The following CDK19 variants were observed in gnomAD, a reference collection of about 807,000 sequenced individuals.
CDK19 encodes the protein cyclin-dependent kinase 19.
In CDK19, 20 loss-of-function variants were observed where a neutral mutation model predicts 68.3. The ratio of observed to expected loss-of-function variants is 0.29; its 90% CI spans 0.21 to 0.43. CDK19 has a LOEUF of 0.43. CDK19 is among the 20% of genes least tolerant of loss of function. CDK19 has a pLI of 1.00. For synonymous variants in CDK19, 221 were observed against 222.8 expected, an observed-to-expected ratio of 0.99 and a Z score of 0.07; for missense variants, 339 against 623.5, an observed-to-expected ratio of 0.54 and a Z score of 4.86.
intron 1 of CDK19, among the ~76,000 whole-genome samples, chr6:110,747,922 C>T (rs1473964633): frequency 6.6e-6 from 1 of 152,126 alleles, no homozygotes; most frequent in Non-Finnish European, 1.5e-5. Flanking sequence ...TTTGTGGGTA[C>T]AGAGTGAGAG....
chr6:110,756,389 CAA>C (rs746628617), intron 1 of CDK19, among the ~76,000 whole-genome samples: 3 of 99,708 alleles, frequency 3.0e-5, no homozygotes. Flanking sequence ...GACTCTGTCT[CAA>C]AAAAAAAAAA....
At chr6:110,767,728 T>A (rs1031566871) in intron 1 of CDK19, among the ~76,000 whole-genome samples, 2 of 152,088 alleles carry the variant, frequency 1.3e-5, no homozygotes, top group Non-Finnish European at 2.9e-5. Flanking sequence ...ATGCTAATTA[T>A]CCTGATTTGA....
At chr6:110,683,452 A>G (rs187061899) in intron 2 of CDK19, among the ~76,000 whole-genome samples, 4,329 of 152,240 alleles carry the variant, frequency 0.028, 83 homozygotes, top group South Asian at 0.083. Flanking sequence ...AAAATGCCAC[A>G]GCATTTCCTT....
intron 2 of CDK19, chr6:110,722,230 T>A (rs1409421840): frequency 6.6e-6 from 1 of 152,158 alleles, no homozygotes. Context: ...GTGGAGTTTT[T>A]AAATTTTTAT....
At chr6:110,676,612 C>G (rs1562186780) in intron 2 of CDK19, among the ~76,000 whole-genome samples, 1 of 152,170 alleles carries the variant, frequency 6.6e-6, no homozygotes, top group Non-Finnish European at 1.5e-5. Flanking sequence ...TAGCAGCCAT[C>G]AATACTGAGG....
chr6:110,799,803 ATATT>A (rs1782224403), intron 1 of CDK19, among the ~76,000 whole-genome samples: 3 of 152,142 alleles, frequency 2.0e-5, no homozygotes, highest in Admixed American at 1.3e-4. Flanking sequence ...AAGTCTCACT[ATATT>A]GCTTAGGCTG....
intron 1 of CDK19, among the ~76,000 whole-genome samples, chr6:110,764,523 A>G (rs930597547): frequency 6.6e-6 from 1 of 152,256 alleles, no homozygotes; most frequent in African/African-American, 2.4e-5. Context: ...GTTTCAACAT[A>G]CAGTGCTAGT....
At chr6:110,712,750 A>C (rs905507517) in intron 2 of CDK19, among the ~76,000 whole-genome samples, 3 of 152,250 alleles carry the variant, frequency 2.0e-5, no homozygotes, top group Non-Finnish European at 2.9e-5. Context: ...ATGTCATTAA[A>C]GGAGTAGGTT....
chr6:110,806,567 A>G (rs926538982), intron 1 of CDK19, among the ~76,000 whole-genome samples: 2 of 152,228 alleles, frequency 1.3e-5, no homozygotes, highest in Non-Finnish European at 2.9e-5. Context: ...TGTTAGTACT[A>G]GCAAGACTGG....
chr6:110,770,599 C>T (rs1251082276), intron 1 of CDK19, among the ~76,000 whole-genome samples: 1 of 152,084 alleles, frequency 6.6e-6, no homozygotes, highest in African/African-American at 2.4e-5. Context: ...CATATCATTC[C>T]ACTCCTGACC....
intron 2 of CDK19, among the ~76,000 whole-genome samples, chr6:110,709,089 T>C (rs1325841868): frequency 1.3e-5 from 2 of 152,142 alleles, no homozygotes; most frequent in Admixed American, 6.6e-5. Context: ...CACATTATTA[T>C]CTCAATAGAT....
chr6:110,768,547 G>T (rs1169899309), intron 1 of CDK19, among the ~76,000 whole-genome samples: 1 of 152,156 alleles, frequency 6.6e-6, no homozygotes, highest in Non-Finnish European at 1.5e-5. Context: ...ACATTATTCA[G>T]CACTAAAAAG....
At chr6:110,614,813 C>A in intron 12 of CDK19, 147 bp from the exon 13 acceptor site, 1 of 708,066 alleles carries the variant, frequency 1.4e-6, no homozygotes. Context: ...AAGTTGTTAA[C>A]ACATTTTGCT....
rs561644792 is a variant in CDK19 at position 110,617,242 on chromosome 6, T to G, written c.1378-2576A>C. Among the ~76,000 whole-genome samples, 26 of 152,282 alleles carry G rather than the reference T, an allele frequency of 1.7e-4. No homozygotes were observed. In the South Asian group the frequency reaches 5.2e-3, roughly 30 times the overall value. On this transcript the variant is annotated intron_variant, in intron 12 of 12. Coordinates refer to ENST00000368911, the MANE Select transcript of CDK19 (RefSeq NM_015076.5). The stretch of plus-strand genomic sequence containing the variant: ...TTACTCTAACTTCCCCCTACCTTTC[T>G]GTGTAAAAACTGGACATAAAGAAAT...
rs183550586 is a variant in CDK19, at chr6:110,737,185, T to C, written c.204+8941A>G. On this transcript the variant is annotated intron_variant, in intron 2 of 12. Transcript: ENST00000368911. ...ATGGAAAAGTTTTCAGCTACATCTA[T>C]GACTTGTGTTACCACACCATCCCAT... Among the ~76,000 whole-genome samples the C allele has an allele frequency of 4.8e-3, 729 of 152,304 alleles. 4 individuals are homozygous for C. The highest frequency in any genetic ancestry group is 7.6e-3 in the Non-Finnish European group (514 of 68,006).
chr6:110,685,035 G>A (rs1233752511), intron 2 of CDK19, among the ~76,000 whole-genome samples: 2 of 152,152 alleles, frequency 1.3e-5, no homozygotes, highest in Non-Finnish European at 2.9e-5. Context: ...CTACCCAAGA[G>A]GCTGAGGCAG....
intron 5 of CDK19, among the ~76,000 whole-genome samples, chr6:110,635,570 T>C (rs769246420): frequency 1.6e-4 from 25 of 152,224 alleles, no homozygotes; most frequent in Admixed American, 3.3e-4. Context: ...TATGGAGTCT[T>C]GCTCTGTCGC....
intron 2 of CDK19, 52 bp from the exon 3 acceptor site, chr6:110,670,593 AATG>A (rs1198504533): frequency 1.9e-6 from 2 of 1,029,958 alleles, no homozygotes; most frequent in African/African-American, 3.1e-5. Flanking sequence ...AGGAGGGGGA[AATG>A]ATGAATGTCT....
At chr6:110,777,081 ATCTATCTATATG>A (rs1780452927) in intron 1 of CDK19, among the ~76,000 whole-genome samples, 1 of 152,238 alleles carries the variant, frequency 6.6e-6, no homozygotes, top group Non-Finnish European at 1.5e-5. Flanking sequence ...ACAAACCGGC[ATCTATCTATATG>A]TCAGAAGCCA....
Sources: gnomAD v4.1 joint callset for allele counts (sites outside exome capture counted in the v4.1 genomes callset) on GRCh38, gnomAD v4.1.1 for gene constraint, MANE v1.5 for transcripts, NCBI Gene and HGNC (gene_info 2026-07-23, HGNC 2026-07-21) for gene names.